The following NHSL1 variants were observed in gnomAD, a reference collection of about 807,000 sequenced individuals.
The protein encoded by NHSL1 is NHS-like protein 1.
Under a neutral mutation model 95.0 loss-of-function variants are expected in NHSL1, and 48 were observed. That is an observed-to-expected ratio of 0.51 (90% CI 0.40 to 0.64). The LOEUF (loss-of-function observed/expected upper bound fraction) is 0.64. Among genes scored for constraint, NHSL1 ranks in the 30% least tolerant of loss-of-function variants. NHSL1 has a pLI of 0.00. For synonymous variants in NHSL1, 783 were observed against 833.9 expected (o/e 0.94, Z 1.05); for missense variants, 1,971 against 2,077.7 (o/e 0.95, Z 1.00).
At chr6:138,467,959 G>A (rs1778500014) in intron 3 of NHSL1, among the ~76,000 whole-genome samples, 1 of 152,078 alleles carries the variant, frequency 6.6e-6, no homozygotes, top group Admixed American at 6.6e-5. Context: ...TGTTGCCCAG[G>A]CTAGTCTTGA....
intron 1 of NHSL1, among the ~76,000 whole-genome samples, chr6:138,633,570 T>G (rs1784850648): frequency 6.6e-6 from 1 of 152,170 alleles, no homozygotes; most frequent in East Asian, 1.9e-4. Flanking sequence ...TACCCTAGAA[T>G]AGTATACCTG....
intron 4 of NHSL1, 92 bp downstream of exon 4, chr6:138,446,909 T>C: frequency 8.6e-7 from 1 of 1,158,570 alleles, no homozygotes; most frequent in Non-Finnish European, 1.3e-6. Context: ...TATTCACCTT[T>C]GATGTAGCAA....
intron 1 of NHSL1, among the ~76,000 whole-genome samples, chr6:138,555,242 C>T (rs1479096433): frequency 6.6e-6 from 1 of 152,098 alleles, no homozygotes; most frequent in African/African-American, 2.4e-5. Flanking sequence ...AGCTTAAAGT[C>T]AGTAAAGTTC....
At chr6:138,436,396 C>T (rs1776102491) in intron 5 of NHSL1, among the ~76,000 whole-genome samples, 1 of 152,198 alleles carries the variant, frequency 6.6e-6, no homozygotes, top group South Asian at 2.1e-4. Flanking sequence ...CCACAACATT[C>T]CCCTTAAGCC....
chr6:138,429,980 T>C (rs903172763), intron 6 of NHSL1, 137 bp from the exon 7 acceptor site: 29 of 845,660 alleles, frequency 3.4e-5, no homozygotes, highest in Non-Finnish European at 4.8e-5. Flanking sequence ...GTCTGTAGTT[T>C]GATAGTTTAC....
At chr6:138,616,697 C>T (rs770032566) in intron 1 of NHSL1, among the ~76,000 whole-genome samples, 4 of 152,112 alleles carry the variant, frequency 2.6e-5, no homozygotes, top group Admixed American at 6.6e-5. Flanking sequence ...ACACCTGAAC[C>T]CAAGGGGAGA....
intron 5 of NHSL1, among the ~76,000 whole-genome samples, chr6:138,438,639 ATTAT>A (rs1776337527): frequency 6.6e-6 from 1 of 152,126 alleles, no homozygotes; most frequent in Non-Finnish European, 1.5e-5. Flanking sequence ...TACAGAAATA[ATTAT>A]TTATACTTTT....
At chr6:138,446,605 T>C (rs1192641911) in intron 4 of NHSL1, among the ~76,000 whole-genome samples, 1 of 152,190 alleles carries the variant, frequency 6.6e-6, no homozygotes, top group Non-Finnish European at 1.5e-5. Context: ...CATCACAAAA[T>C]AATTATTTAC....
intron 1 of NHSL1, among the ~76,000 whole-genome samples, chr6:138,607,940 G>A (rs779186589): frequency 7.2e-5 from 11 of 152,142 alleles, no homozygotes; most frequent in Admixed American, 2.0e-4. Flanking sequence ...GTCCTCCTAC[G>A]AGACACTGTG....
intron 1 of NHSL1, among the ~76,000 whole-genome samples, chr6:138,673,026 GATAGGTAGATAGA>G (rs1785397001): frequency 3.9e-5 from 2 of 51,188 alleles, no homozygotes; most frequent in Non-Finnish European, 7.0e-5. Context: ...TAGCTAGATA[GATAGGTAGATAGA>G]TAGATAGATA....
chr6:138,683,763 G>C (rs780783441), intron 1 of NHSL1, among the ~76,000 whole-genome samples: 2 of 152,342 alleles, frequency 1.3e-5, no homozygotes, highest in South Asian at 2.1e-4. Flanking sequence ...TACCAGCTGT[G>C]AATGTGGGCA....
chr6:138,590,683 G>T (rs755068153), intron 1 of NHSL1, among the ~76,000 whole-genome samples: 2 of 152,116 alleles, frequency 1.3e-5, no homozygotes, highest in Non-Finnish European at 2.9e-5. Context: ...CCCTTGAAGC[G>T]GCTGTTTACC....
intron 2 of NHSL1, among the ~76,000 whole-genome samples, chr6:138,477,064 T>G (rs1779123690): frequency 6.6e-6 from 1 of 152,082 alleles, no homozygotes; most frequent in Non-Finnish European, 1.5e-5. Context: ...TAAATTAACT[T>G]TCCTGTGGTC....
At chr6:138,569,270 T>TGA (rs534927979) in intron 1 of NHSL1, among the ~76,000 whole-genome samples, 12,555 of 149,580 alleles carry the variant, frequency 0.084, 491 homozygotes, top group Middle Eastern at 0.14. Context: ...TGTGTGTGTG[T>TGA]GAGAGAGAGA....
At chr6:138,527,606 G>C (rs980086033) in intron 1 of NHSL1, among the ~76,000 whole-genome samples, 4 of 152,116 alleles carry the variant, frequency 2.6e-5, no homozygotes, top group African/African-American at 9.7e-5. Context: ...GGAAAGAAGT[G>C]GGTACATACT....
intron 1 of NHSL1, among the ~76,000 whole-genome samples, chr6:138,626,414 T>A (rs1784737925): frequency 6.6e-6 from 1 of 152,182 alleles, no homozygotes; most frequent in Non-Finnish European, 1.5e-5. Context: ...TTTTACTAAA[T>A]CATCAGACAC....
intron 1 of NHSL1, among the ~76,000 whole-genome samples, chr6:138,632,093 G>T (rs958113260): frequency 2.6e-5 from 4 of 152,196 alleles, no homozygotes; most frequent in Non-Finnish European, 4.4e-5. Flanking sequence ...AGTACTGTCC[G>T]TGGGCCTGTG....
intron 1 of NHSL1, among the ~76,000 whole-genome samples, chr6:138,587,876 A>G (rs1784161680): frequency 6.6e-6 from 1 of 152,246 alleles, no homozygotes; most frequent in African/African-American, 2.4e-5. Flanking sequence ...CAGGAAAGTT[A>G]AGCCAAACAC....
chr6:138,596,660 G>A (rs977188701), intron 1 of NHSL1, among the ~76,000 whole-genome samples: 4 of 152,074 alleles, frequency 2.6e-5, no homozygotes, highest in East Asian at 1.9e-4. Flanking sequence ...AAAGGACATC[G>A]AGGAGCTCAA....
Sources: allele counts gnomAD v4.1 joint callset (sites outside exome capture counted in the v4.1 genomes callset), GRCh38; gene constraint gnomAD v4.1.1; transcripts MANE v1.5; gene names NCBI Gene and HGNC (gene_info 2026-07-23, HGNC 2026-07-21).